SH3PXD2B: variants seen among roughly 807,000 people sequenced by gnomAD.
SH3PXD2B encodes the protein SH3 and PX domains 2B.
In SH3PXD2B, 37 loss-of-function variants were observed where a neutral mutation model predicts 73.1. The observed-to-expected ratio is 0.51, with a 90% CI of 0.39 to 0.67. The LOEUF is 0.67. Among genes scored for constraint, SH3PXD2B ranks in the 30% least tolerant of loss-of-function variants. The pLI, the probability that SH3PXD2B is intolerant of heterozygous loss-of-function variation, is 0.00. For missense variants in SH3PXD2B, 1,053 were observed against 1,197.8 expected, an observed-to-expected ratio of 0.88 and a Z score of 1.78; for synonymous variants, 457 against 480.5, an observed-to-expected ratio of 0.95 and a Z score of 0.64.
intron 10 of SH3PXD2B, among the ~76,000 whole-genome samples, chr5:172,348,927 G>A (rs1478196353): frequency 6.6e-6 from 1 of 151,916 alleles, no homozygotes; most frequent in Non-Finnish European, 1.5e-5. Flanking sequence ...TGCCCAGGCT[G>A]GTCTCAAACT....
At chr5:172,426,951 T>C (rs931138022) in intron 1 of SH3PXD2B, among the ~76,000 whole-genome samples, 1 of 152,242 alleles carries the variant, frequency 6.6e-6, no homozygotes, top group African/African-American at 2.4e-5. Flanking sequence ...TGTCTGTTAC[T>C]TGCAACCAGT....
chr5:172,348,667 C>CTATCTATCTATCTATCTATCTTATCT (rs1757069317), intron 10 of SH3PXD2B, among the ~76,000 whole-genome samples: 8 of 26,320 alleles, frequency 3.0e-4, no homozygotes, highest in African/African-American at 8.9e-4. Context: ...ATCTATCTAT[C>CTATCTATCTATCTATCTATCTTATCT]TATCTATCTA....
At chr5:172,454,035 C>A (rs1045746943) in intron 1 of SH3PXD2B, among the ~76,000 whole-genome samples, 1 of 132,156 alleles carries the variant, frequency 7.6e-6, no homozygotes, top group Non-Finnish European at 1.6e-5. Context: ...CGCAGGGAGG[C>A]GAGTAGGGGG....
At chr5:172,378,243 G>A (rs1425816682) in intron 5 of SH3PXD2B, among the ~76,000 whole-genome samples, 4 of 152,218 alleles carry the variant, frequency 2.6e-5, no homozygotes, top group African/African-American at 9.7e-5. Flanking sequence ...TTGGTCTGAT[G>A]CTTGCTCAGA....
At chr5:172,367,627 C>G (rs1015268677) in intron 6 of SH3PXD2B, among the ~76,000 whole-genome samples, 1 of 152,142 alleles carries the variant, frequency 6.6e-6, no homozygotes, top group African/African-American at 2.4e-5. Context: ...TAATAGAATT[C>G]CTGAGTTTTG....
rs143605706 is a variant in SH3PXD2B at position 172,381,602 on chromosome 5, G to A, written c.401+434C>T. ...GAGAGCTTCGGAGCCTGGCTGGTCA[G>A]GATGAAATCCCGGCCCCGTTGCTCA... On this transcript the variant is annotated intron_variant, in intron 5 of 12. Coordinates refer to ENST00000311601, the MANE Select transcript of SH3PXD2B (RefSeq NM_001017995.3). 1.6e-4 allele frequency among the ~76,000 whole-genome samples: 24 copies of A among 152,294 alleles called. No homozygotes were observed. The East Asian group carries it at 4.4e-3, about 28-fold the overall frequency.
chr5:172,405,760 G>T (rs766500065), intron 3 of SH3PXD2B, among the ~76,000 whole-genome samples: 18 of 152,290 alleles, frequency 1.2e-4, no homozygotes, highest in Non-Finnish European at 2.1e-4. Flanking sequence ...GGTAACACAT[G>T]GGTGTTTTAA....
In SH3PXD2B at chr5:172,335,783, A is replaced by G; in HGVS notation, c.*2586T>C. 1 of 1,230,178 alleles carries G rather than the reference A, an allele frequency of 8.1e-7. No homozygotes were observed. The highest frequency in any genetic ancestry group is 1.6e-5 in the African/African-American group (1 of 64,514). The allele number at this position is 1,230,178 out of a possible 1,614,324, so 76.2% of individuals were successfully genotyped here. On this transcript the variant is annotated 3_prime_UTR_variant, in exon 13 of 13. Coordinates refer to ENST00000311601, the MANE Select transcript of SH3PXD2B (RefSeq NM_001017995.3). ...AGTGACTGGCCACCCTGACCCACCC[A>G]CTGCCTGGGGAAGTGTCTACCATTG...
chr5:172,342,425 C>T (rs773600780), intron 12 of SH3PXD2B, among the ~76,000 whole-genome samples: 3 of 152,134 alleles, frequency 2.0e-5, no homozygotes, highest in Non-Finnish European at 2.9e-5. Flanking sequence ...GAGTCAAAGG[C>T]AGCGGGGTGG....
downstream of SH3PXD2B, among the ~76,000 whole-genome samples, chr5:172,329,759 G>A (rs1756522175): frequency 6.6e-6 from 1 of 151,818 alleles, no homozygotes; most frequent in Non-Finnish European, 1.5e-5. Flanking sequence ...GGATGGTCTG[G>A]ATCTCCTGAC....
intron 12 of SH3PXD2B, among the ~76,000 whole-genome samples, chr5:172,328,324 T>C (rs1193319073): frequency 6.6e-6 from 1 of 151,972 alleles, no homozygotes; most frequent in Non-Finnish European, 1.5e-5. Context: ...CAGGCTGGTC[T>C]CGAACTCCTG....
At position 172,445,057 on chromosome 5, in the gene SH3PXD2B, G is replaced by A. The variant is rs1189624360; in HGVS notation, c.75+9221C>T. On this transcript the variant is annotated intron_variant, in intron 1 of 12. Coordinates refer to ENST00000311601, the MANE Select transcript of SH3PXD2B (RefSeq NM_001017995.3). The surrounding 1 kb of genome is among the most constrained non-coding windows in gnomAD (Gnocchi z 5.2). The stretch of plus-strand genomic sequence containing the variant: ...CTTTGCCCTCCTGTTCTCTCTACCT[G>A]TAACTCCTTCACCCTTGCCCACTTG... Among the ~76,000 whole-genome samples the A allele has an allele frequency of 1.3e-5, 2 of 152,142 alleles. No homozygotes were observed. The highest frequency in any genetic ancestry group is 3.8e-4 in the East Asian group (2 of 5,198).
intron 4 of SH3PXD2B, among the ~76,000 whole-genome samples, chr5:172,388,361 C>T (rs1467077476): frequency 2.3e-4 from 35 of 152,146 alleles, no homozygotes; most frequent in Non-Finnish European, 2.9e-5. Flanking sequence ...ACCCAAATGT[C>T]ATGTAACAGC....
downstream of SH3PXD2B, among the ~76,000 whole-genome samples, chr5:172,329,540 C>CTTTTATT (rs1756514563): frequency 9.4e-6 from 1 of 106,460 alleles, no homozygotes; most frequent in Non-Finnish European, 1.9e-5. Flanking sequence ...CTTTGTTATT[C>CTTTTATT]TTTTTTTTTT....
At chr5:172,368,443 C>A (rs1757574294) in intron 6 of SH3PXD2B, among the ~76,000 whole-genome samples, 1 of 87,612 alleles carries the variant, frequency 1.1e-5, no homozygotes, top group Non-Finnish European at 2.4e-5. Context: ...GCAAGGGGAG[C>A]TAAGAATGCT....
At chr5:172,431,748 T>C (rs1299330196) in intron 1 of SH3PXD2B, among the ~76,000 whole-genome samples, 1 of 152,210 alleles carries the variant, frequency 6.6e-6, no homozygotes, top group Admixed American at 6.5e-5. Context: ...GTAAAGTCAC[T>C]GAGAACACTG....
At chr5:172,393,106 T>C (rs768943602) in intron 4 of SH3PXD2B, among the ~76,000 whole-genome samples, 11 of 152,232 alleles carry the variant, frequency 7.2e-5, no homozygotes, top group Non-Finnish European at 1.3e-4. Flanking sequence ...AAAAAGCCTA[T>C]AGAAAAGATT....
At chr5:172,325,577 T>G (rs1212586495) in intron 12 of SH3PXD2B, among the ~76,000 whole-genome samples, 1 of 152,200 alleles carries the variant, frequency 6.6e-6, no homozygotes, top group East Asian at 1.9e-4. Context: ...GGTGATGGCC[T>G]TCTCGCTGGG....
chr5:172,436,121 C>T lies in SH3PXD2B; in HGVS notation c.76-13625G>A, dbSNP rs1258825833. Among the ~76,000 whole-genome samples, 3 of 152,326 alleles carry T rather than the reference C, an allele frequency of 2.0e-5. No individual in the cohort carries two copies. The East Asian group carries it at 5.8e-4, about 30-fold the overall frequency. ...GCTTCCATGACAGTGTCTGAATTTC[C>T]TTGCAGGTTCCTTGTGCCCCTATGG... On this transcript the variant is annotated intron_variant, in intron 1 of 12. Transcript: ENST00000311601.
Sources: gnomAD v4.1 joint callset for allele counts (sites outside exome capture counted in the v4.1 genomes callset) on GRCh38, gnomAD v4.1.1 for gene constraint, Gnocchi (gnomAD v3.1) non-coding constraint, MANE v1.5 for transcripts, NCBI Gene and HGNC (gene_info 2026-07-23, HGNC 2026-07-21) for gene names.